The following TRIP12 variants were observed in gnomAD, a reference collection of about 807,000 sequenced individuals.
TRIP12 encodes the protein E3 ubiquitin-protein ligase TRIP12.
TRIP12 carries 25 observed loss-of-function variants against 244.2 expected under a neutral mutation model. The observed-to-expected ratio is 0.10, with a 90% confidence interval of 0.07 to 0.14. The LOEUF is 0.14. Ranked by LOEUF, TRIP12 falls within the 10% of genes least tolerant of loss-of-function variation. The pLI is 1.00. For synonymous variants in TRIP12, 905 were observed against 873.1 expected (o/e 1.04, Z -0.64); for missense variants, 1,677 against 2,486.4 (o/e 0.67, Z 6.92).
chr2:229,913,706 T>C (rs76027757), intron 1 of TRIP12, among the ~76,000 whole-genome samples: 6,585 of 152,310 alleles, frequency 0.043, 477 homozygotes, highest in African/African-American at 0.15. Context: ...TTTCTCAATG[T>C]GTCACACCAG....
chr2:229,805,186 T>TGA (rs981063470), intron 18 of TRIP12, among the ~76,000 whole-genome samples: 12 of 144,880 alleles, frequency 8.3e-5, no homozygotes, highest in Admixed American at 7.0e-4. Context: ...ATTACAGGCG[T>TGA]GAGACACCAT....
chr2:229,858,647 C>G, intron 4 of TRIP12, 125 bp downstream of exon 4: 1 of 807,214 alleles, frequency 1.2e-6, no homozygotes. Flanking sequence ...ATTACACAGA[C>G]AGTAATACAT....
chr2:229,819,504 C>G (rs776357127), intron 8 of TRIP12, among the ~76,000 whole-genome samples: 5 of 152,204 alleles, frequency 3.3e-5, no homozygotes, highest in Non-Finnish European at 7.3e-5. Context: ...GAGATCATGT[C>G]ACTGCACTCC....
At chr2:229,846,005 T>C (rs1229011082) in intron 4 of TRIP12, among the ~76,000 whole-genome samples, 1 of 125,764 alleles carries the variant, frequency 8.0e-6, no homozygotes, top group Non-Finnish European at 1.7e-5. Flanking sequence ...CGAGAGCCTC[T>C]CTTTTTTTCA....
At chr2:229,833,815 GT>G (rs2054068567) in intron 6 of TRIP12, among the ~76,000 whole-genome samples, 1 of 150,564 alleles carries the variant, frequency 6.6e-6, no homozygotes, top group African/African-American at 2.5e-5. Context: ...AATTAGTTTG[GT>G]TTTACCAAAA....
intron 2 of TRIP12, among the ~76,000 whole-genome samples, chr2:229,863,983 A>G (rs1478083904): frequency 6.7e-6 from 1 of 149,314 alleles, no homozygotes; most frequent in Non-Finnish European, 1.5e-5. Context: ...TTAGTAAATT[A>G]TAGCCCAAAG....
intron 39 of TRIP12, among the ~76,000 whole-genome samples, chr2:229,771,019 C>G (rs1356081057): frequency 3.3e-5 from 5 of 152,332 alleles, no homozygotes; most frequent in Non-Finnish European, 7.3e-5. Context: ...TAGAGAAAAC[C>G]AAGCACATAA....
At chr2:229,769,447 G>C in intron 39 of TRIP12, 122 bp from the exon 40 acceptor site, 1 of 527,526 alleles carries the variant, frequency 1.9e-6, no homozygotes, top group Non-Finnish European at 3.0e-6. Flanking sequence ...TTCTGCTTGG[G>C]ACCTCTTTCC....
chr2:229,880,695 G>A (rs1043869258), intron 1 of TRIP12, among the ~76,000 whole-genome samples: 7 of 152,212 alleles, frequency 4.6e-5, no homozygotes, highest in African/African-American at 1.4e-4. Context: ...TGTAATCCCA[G>A]TATTTTGGGA....
intron 4 of TRIP12, among the ~76,000 whole-genome samples, chr2:229,845,031 T>A (rs2057288834): frequency 6.6e-6 from 1 of 152,184 alleles, no homozygotes; most frequent in Non-Finnish European, 1.5e-5. Context: ...CCATACTGAT[T>A]CATTCAAGGA....
rs2154220013 is a variant in TRIP12, at chr2:229,766,426, G to A, written c.*1128C>T. On this transcript the variant is annotated 3_prime_UTR_variant, in exon 42 of 42. Coordinates refer to ENST00000675903, the MANE Select transcript of TRIP12 (RefSeq NM_001348323.3). ...TTTCAGGTAAAAACATTAACCTGAT[G>A]GATTATTGCAGATTTGAGAAATCAG... is the stretch of plus-strand genomic sequence containing the variant. The A allele has an allele frequency of 6.6e-6, 1 of 152,272 alleles. No individual in the cohort carries two copies. Among genetic ancestry groups the A allele is most frequent in the East Asian group, 1.9e-4 (1 of 5,188 alleles). 9.4% of individuals were successfully genotyped at this position (152,272 alleles called of 1,614,324 possible).
At chr2:229,829,065 CAGCCTTATTTTTAAAAATGGG>C (rs1221037886) in intron 8 of TRIP12, 107 bp downstream of exon 8, 2 of 714,866 alleles carry the variant, frequency 2.8e-6, no homozygotes, top group Admixed American at 3.0e-5. Flanking sequence ...TGATTGTACA[CAGCCTTATTTTTAAAAATGGG>C]TTAAAGTTGA....
At chr2:229,776,763 G>T (rs532365756) in intron 37 of TRIP12, among the ~76,000 whole-genome samples, 1 of 152,032 alleles carries the variant, frequency 6.6e-6, no homozygotes, top group Non-Finnish European at 1.5e-5. Context: ...ATCTCAGATT[G>T]AGTTAAATAA....
chr2:229,911,689 C>T (rs1451097832), intron 1 of TRIP12, among the ~76,000 whole-genome samples: 1 of 151,824 alleles, frequency 6.6e-6, no homozygotes, highest in Non-Finnish European at 1.5e-5. Flanking sequence ...ACTAAGTGCC[C>T]CATAAATACA....
chr2:229,878,933 G>A (rs559731262), intron 2 of TRIP12, among the ~76,000 whole-genome samples: 15 of 151,826 alleles, frequency 9.9e-5, no homozygotes, highest in South Asian at 2.1e-4. Context: ...GGTTATGGCC[G>A]CAAACTGCTG....
chr2:229,888,518 T>C (rs1423286518), intron 1 of TRIP12, among the ~76,000 whole-genome samples: 1 of 151,498 alleles, frequency 6.6e-6, no homozygotes, highest in African/African-American at 2.4e-5. Context: ...TAAATCAGGA[T>C]AGTGGTGTTG....
At chr2:229,919,531 G>A (rs527602998) in intron 1 of TRIP12, among the ~76,000 whole-genome samples, 3 of 151,616 alleles carry the variant, frequency 2.0e-5, no homozygotes, top group Admixed American at 6.6e-5. Context: ...CATCCCATTC[G>A]TTTTTTAAAT....
In TRIP12 at chr2:229,815,278, C is replaced by A; in HGVS notation, c.1630G>T (p.Asp544Tyr). 1 of 1,480,126 alleles carries A rather than the reference C, an allele frequency of 6.8e-7. No homozygotes were observed. Among genetic ancestry groups the A allele is most frequent in the South Asian group, 1.2e-5 (1 of 85,778 alleles). 91.7% of individuals were successfully genotyped at this position (1,480,126 alleles called of 1,614,324 possible). Residue 544 changes from aspartate (D) to tyrosine (Y), a missense_variant, in exon 10 of 42, where the codon GAT (aspartate) becomes TAT (tyrosine). Asp to Tyr is a radical substitution (Grantham distance 160). This residue lies in a region of TRIP12 where 572 missense variants were observed against 867.8 expected (regional missense o/e 0.66). Coordinates refer to ENST00000675903, the MANE Select transcript of TRIP12 (RefSeq NM_001348323.3). ...ITLLQMEHNF[D>Y]IMNHACRALT... ...AAAATACAATATATACTTACAATATCAAAATTGTGCTCCATCTGAAGTAAC... is the reference window on the plus strand; with the variant it reads ...AAAATACAATATATACTTACAATATAAAAATTGTGCTCCATCTGAAGTAAC...
At chr2:229,905,667 G>A (rs2072535264) in intron 1 of TRIP12, among the ~76,000 whole-genome samples, 1 of 152,190 alleles carries the variant, frequency 6.6e-6, no homozygotes, top group Non-Finnish European at 1.5e-5. Context: ...GCCACATAAT[G>A]CAAGCCTTTA....
Sources: allele counts gnomAD v4.1 joint callset (sites outside exome capture counted in the v4.1 genomes callset), GRCh38; gene constraint gnomAD v4.1.1; regional missense constraint gnomAD v4.1.1; transcripts MANE v1.5; gene names NCBI Gene and HGNC (gene_info 2026-07-23, HGNC 2026-07-21).